Variants in LRMDA observed in about 807,000 individuals in gnomAD.
LRMDA encodes the protein leucine-rich melanocyte differentiation-associated protein.
LRMDA carries 18 observed loss-of-function variants against 29.8 expected under a neutral mutation model. That is an observed-to-expected ratio of 0.60 (90% CI 0.42 to 0.90). LRMDA has a LOEUF of 0.90. Among genes scored for constraint, LRMDA ranks in the 40% least tolerant of loss-of-function variants. The pLI is 0.00. For synonymous variants in LRMDA, 125 were observed against 109.4 expected, an observed-to-expected ratio of 1.14 and a Z score of -0.89; for missense variants, 273 against 273.9, an observed-to-expected ratio of 1.00 and a Z score of 0.02.
intron 2 of LRMDA, among the ~76,000 whole-genome samples, chr10:75,862,304 G>T (rs1440447917): frequency 2.6e-5 from 4 of 152,004 alleles, no homozygotes; most frequent in Non-Finnish European, 4.4e-5. Flanking sequence ...ACTTTATCAG[G>T]AAATACTTTT....
rs377201794 is a variant in LRMDA at position 75,517,779 on chromosome 10, A to T, written c.131+79285A>T. 9.1e-4 allele frequency among the ~76,000 whole-genome samples: 138 copies of T among 152,290 alleles called. 2 individuals are homozygous for T. The South Asian group carries it at 0.026, about 29-fold the overall frequency. ...AGAGAGGGCATCCTTGTCTTGTGCC[A>T]GTTTTCAAAGGGAATGCTTCCAGTT... On this transcript the variant is annotated intron_variant, in intron 2 of 6. Coordinates refer to ENST00000611255, the MANE Select transcript of LRMDA (RefSeq NM_001305581.2).
intron 2 of LRMDA, among the ~76,000 whole-genome samples, chr10:75,455,081 G>A (rs1371671245): frequency 1.3e-5 from 2 of 152,182 alleles, no homozygotes; most frequent in African/African-American, 4.8e-5. Context: ...TAGCTGCCTG[G>A]TACAACGGGA....
At chr10:75,521,747 C>A (rs1352259405) in intron 2 of LRMDA, among the ~76,000 whole-genome samples, 1 of 152,248 alleles carries the variant, frequency 6.6e-6, no homozygotes, top group Non-Finnish European at 1.5e-5. Flanking sequence ...TGAGATGAAC[C>A]AGGTACCTCA....
chr10:75,864,016 T>C (rs556124855), intron 2 of LRMDA, among the ~76,000 whole-genome samples: 2 of 152,326 alleles, frequency 1.3e-5, no homozygotes, highest in East Asian at 3.9e-4. Context: ...CAGCATGAGA[T>C]AGTAGTGATG....
chr10:75,924,710 A>G (rs1846088983), intron 2 of LRMDA, among the ~76,000 whole-genome samples: 1 of 152,028 alleles, frequency 6.6e-6, no homozygotes, highest in South Asian at 2.1e-4. Context: ...GAGGAAGAGA[A>G]CATGGCATAA....
intron 6 of LRMDA, among the ~76,000 whole-genome samples, chr10:76,505,949 T>C (rs1842955273): frequency 6.6e-6 from 1 of 152,202 alleles, no homozygotes; most frequent in Non-Finnish European, 1.5e-5. Context: ...TCTGGGCGCT[T>C]TCAGGGTGCC....
intron 2 of LRMDA, among the ~76,000 whole-genome samples, chr10:75,616,969 T>C (rs535955876): frequency 6.6e-6 from 1 of 152,300 alleles, no homozygotes; most frequent in South Asian, 2.1e-4. Context: ...TAGACTATCA[T>C]AAAGACAAAA....
At chr10:76,363,229 A>G (rs187899360) in intron 6 of LRMDA, among the ~76,000 whole-genome samples, 9,095 of 33,352 alleles carry the variant, frequency 0.27, 2,086 homozygotes, top group African/African-American at 0.45. Flanking sequence ...GAAAGAAAGA[A>G]AGAAAGAAAG....
At chr10:76,121,079 T>C (rs1412771752) in intron 5 of LRMDA, among the ~76,000 whole-genome samples, 1 of 151,938 alleles carries the variant, frequency 6.6e-6, no homozygotes, top group East Asian at 1.9e-4. Context: ...TTGAAATGTT[T>C]GTATGTGTTC....
At chr10:75,929,972 T>A (rs1846181427) in intron 2 of LRMDA, among the ~76,000 whole-genome samples, 1 of 152,212 alleles carries the variant, frequency 6.6e-6, no homozygotes, top group Non-Finnish European at 1.5e-5. Context: ...AGTAACTGAA[T>A]GCAATCCTAG....
intron 2 of LRMDA, among the ~76,000 whole-genome samples, chr10:75,478,078 GA>G (rs1844816622): frequency 1.3e-5 from 2 of 152,202 alleles, no homozygotes; most frequent in Admixed American, 1.3e-4. Context: ...GCCTCATTTA[GA>G]CCATTGCTCT....
chr10:75,981,754 A>C (rs991149128), intron 2 of LRMDA, among the ~76,000 whole-genome samples: 8 of 151,600 alleles, frequency 5.3e-5, no homozygotes, highest in Middle Eastern at 3.4e-3. Context: ...GAGGAGGCTG[A>C]GGCAGGAGAA....
chr10:76,000,057 T>A (rs777776735), intron 2 of LRMDA, among the ~76,000 whole-genome samples: 118 of 152,196 alleles, frequency 7.8e-4, no homozygotes, highest in Non-Finnish European at 8.4e-4. Context: ...GACATTCTCC[T>A]TGTTGTGGGA....
At chr10:76,376,447 C>T (rs768306219) in intron 6 of LRMDA, among the ~76,000 whole-genome samples, 2 of 152,092 alleles carry the variant, frequency 1.3e-5, no homozygotes, top group Non-Finnish European at 2.9e-5. Context: ...ACACACAGCA[C>T]ATTTTCTTTA....
intron 2 of LRMDA, among the ~76,000 whole-genome samples, chr10:75,927,393 G>A (rs1846138134): frequency 1.3e-5 from 2 of 152,226 alleles, no homozygotes; most frequent in South Asian, 2.1e-4. Flanking sequence ...GTTCCATCAT[G>A]TTCAATGGAG....
At chr10:75,588,820 T>C (rs1284045599) in intron 2 of LRMDA, among the ~76,000 whole-genome samples, 2 of 152,188 alleles carry the variant, frequency 1.3e-5, no homozygotes, top group Non-Finnish European at 2.9e-5. Context: ...TAAGCAAGCA[T>C]ATTAAATATA....
chr10:76,314,517 A>T (rs943273115), intron 5 of LRMDA, among the ~76,000 whole-genome samples: 1 of 152,246 alleles, frequency 6.6e-6, no homozygotes, highest in African/African-American at 2.4e-5. Context: ...GGCCAATGTC[A>T]AACTACAAAG....
chr10:75,793,899 A>G (rs1843608809), intron 2 of LRMDA, among the ~76,000 whole-genome samples: 1 of 152,230 alleles, frequency 6.6e-6, no homozygotes, highest in Admixed American at 6.5e-5. Context: ...CAGATAGAAA[A>G]TATTTTAGGC....
chr10:76,322,537 A>G (rs974190043), intron 5 of LRMDA, among the ~76,000 whole-genome samples: 1 of 152,246 alleles, frequency 6.6e-6, no homozygotes, highest in Non-Finnish European at 1.5e-5. Context: ...TACCTACAGT[A>G]CGAAACAAAA....
Sources: gnomAD v4.1 joint callset for allele counts (sites outside exome capture counted in the v4.1 genomes callset) on GRCh38, gnomAD v4.1.1 for gene constraint, MANE v1.5 for transcripts, NCBI Gene and HGNC (gene_info 2026-07-23, HGNC 2026-07-21) for gene names.